The following TRIM69 variants were observed in gnomAD, a reference collection of about 807,000 sequenced individuals.
TRIM69 encodes the protein E3 ubiquitin-protein ligase TRIM69.
TRIM69 carries 29 observed loss-of-function variants against 37.7 expected under a neutral mutation model. The observed-to-expected ratio is 0.77, with a 90% CI of 0.57 to 1.05. The LOEUF (loss-of-function observed/expected upper bound fraction) is 1.05. TRIM69 is among the 50% of genes least tolerant of loss of function. The probability of loss-of-function intolerance (pLI) is 0.00; values close to 1 mark genes in which losing one functional copy is unlikely to be tolerated. For synonymous variants in TRIM69, 209 were observed against 212.4 expected, an observed-to-expected ratio of 0.98 and a Z score of 0.14; for missense variants, 596 against 579.9, an observed-to-expected ratio of 1.03 and a Z score of -0.28.
intron 6 of TRIM69, among the ~76,000 whole-genome samples, chr15:44,765,435 T>C (rs1246150567): frequency 1.3e-5 from 2 of 152,128 alleles, no homozygotes; most frequent in African/African-American, 4.8e-5. Context: ...ATTTAGCCTA[T>C]ATGGAAAAAT....
intron 1 of TRIM69, among the ~76,000 whole-genome samples, chr15:44,752,046 T>A (rs1286549102): frequency 6.6e-6 from 1 of 152,162 alleles, no homozygotes; most frequent in Non-Finnish European, 1.5e-5. Context: ...TGAGCCACTG[T>A]GCACAGCCTG....
intron 1 of TRIM69, among the ~76,000 whole-genome samples, chr15:44,745,801 G>A (rs936593505): frequency 6.6e-6 from 1 of 152,096 alleles, no homozygotes; most frequent in East Asian, 1.9e-4. Flanking sequence ...ATTTGAGCAG[G>A]CAAAAGAAAG....
intron 1 of TRIM69, among the ~76,000 whole-genome samples, chr15:44,749,885 T>C (rs2087483615): frequency 6.6e-6 from 1 of 152,224 alleles, no homozygotes; most frequent in South Asian, 2.1e-4. Flanking sequence ...GTATCACCAA[T>C]ACTTATTGTT....
In TRIM69 at chr15:44,767,547, T is replaced by C. The variant is rs369632375; in HGVS notation, c.1278T>C (p.Ala426=). The C allele has an allele frequency of 6.2e-7, 1 of 1,614,204 alleles. No homozygotes were observed. The highest frequency in any genetic ancestry group is 8.5e-7 in the Non-Finnish European group (1 of 1,180,034). ...LRLRNQTDLK[A]LDLPSFSLTL... The stretch of plus-strand genomic sequence containing the variant: ...TAAGGAACCAAACTGATCTAAAGGC[T>C]CTGGATTTGCCTTCTTTCAGTCTGA... The change falls in exon 7 of 7, where the codon GCT becomes GCC. Residue 426 remains alanine (A), a synonymous_variant. Transcript: ENST00000329464.
Position 44,767,762 on chromosome 15 carries a change from AT to A in TRIM69, c.1494del (p.Pro499HisfsTer6), listed in dbSNP as rs773206257. ...AATAAAGAACCATTGCACATCTTAC[AT>A]CCACAGTAATGAGTCATAATATTAT... The part of the protein sequence containing the change: ...GENKEPLHIL[H>X]PQ On this transcript the variant is annotated frameshift_variant, in exon 7 of 7. Transcript: ENST00000329464. LOFTEE classifies it high-confidence loss of function. 2 of 1,610,542 alleles carry A rather than the reference AT, an allele frequency of 1.2e-6. No homozygotes were observed. Among genetic ancestry groups the A allele is most frequent in the Non-Finnish European group, 1.7e-6 (2 of 1,179,250 alleles).
chr15:44,765,720 C>G (rs990480488), intron 6 of TRIM69, among the ~76,000 whole-genome samples: 2 of 151,890 alleles, frequency 1.3e-5, no homozygotes, highest in Non-Finnish European at 2.9e-5. Flanking sequence ...TGCCACTGCA[C>G]TCCAGCCTGG....
At chr15:44,762,835 A>AT (rs1035629077) in intron 6 of TRIM69, among the ~76,000 whole-genome samples, 1 of 151,686 alleles carries the variant, frequency 6.6e-6, no homozygotes, top group Middle Eastern at 3.4e-3. Context: ...TCTGGGCCTG[A>AT]TTTTATTGTT....
chr15:44,759,966 C>T, intron 6 of TRIM69, 94 bp downstream of exon 6: 1 of 1,452,474 alleles, frequency 6.9e-7, no homozygotes, highest in Non-Finnish European at 9.4e-7. Flanking sequence ...TTTTTACAGT[C>T]TGGGATAGGG....
At chr15:44,763,858 C>G (rs2087831485) in intron 6 of TRIM69, among the ~76,000 whole-genome samples, 1 of 152,136 alleles carries the variant, frequency 6.6e-6, no homozygotes, top group South Asian at 2.1e-4. Flanking sequence ...GCTAACTTAG[C>G]CCATTTTCTA....
chr15:44,754,874 C>G, intron 1 of TRIM69, 26 bp from the exon 2 acceptor site: 1 of 1,526,810 alleles, frequency 6.5e-7, no homozygotes, highest in Non-Finnish European at 9.0e-7. Context: ...GAAAGATAAA[C>G]TCATTTTAGC....
rs768862119 is a variant in TRIM69, at chr15:44,736,688, T to C, written c.-17T>C. The C allele has an allele frequency of 6.2e-7, 1 of 1,611,244 alleles. No homozygotes were observed. The highest frequency in any genetic ancestry group is 1.1e-5 in the South Asian group (1 of 90,892). On this transcript the variant is annotated 5_prime_UTR_variant, in exon 1 of 7. Coordinates refer to ENST00000329464, the MANE Select transcript of TRIM69 (RefSeq NM_182985.5). ...GATTCAAGTGCCTGCCTCTGCCCCT[T>C]GGTGGGCTGAAGCTTCATGGAGGTG...
chr15:44,739,973 G>A (rs1267852959), intron 1 of TRIM69, among the ~76,000 whole-genome samples: 1 of 151,910 alleles, frequency 6.6e-6, no homozygotes, highest in African/African-American at 2.4e-5. Flanking sequence ...CTAACTGGGA[G>A]GCACCCCCAA....
rs771484406 is a variant in TRIM69 at position 44,755,264 on chromosome 15, T to G, written c.371T>G (p.Leu124Arg). The G allele has an allele frequency of 6.6e-5, 107 of 1,614,090 alleles. No homozygotes were observed. The highest frequency in any genetic ancestry group is 8.1e-5 in the Non-Finnish European group (96 of 1,180,038). ...CCAGAGCATGGAGAGAACCTGAAACTGTTCAGTAAACCAGATGGGAAACTG... is the reference window on the plus strand; with the variant it reads ...CCAGAGCATGGAGAGAACCTGAAACGGTTCAGTAAACCAGATGGGAAACTG... ...QCPEHGENLK[L>R]FSKPDGKLIC... The change falls in exon 2 of 7, where the codon CTG (leucine) becomes CGG (arginine). Residue 124 changes from leucine to arginine, a missense_variant. Coordinates refer to ENST00000329464, the MANE Select transcript of TRIM69 (RefSeq NM_182985.5).
chr15:44,752,205 T>C (rs1392009339), intron 1 of TRIM69, among the ~76,000 whole-genome samples: 2 of 152,234 alleles, frequency 1.3e-5, no homozygotes, highest in African/African-American at 2.4e-5. Context: ...TTTCATTCCA[T>C]TGTAGTCAGA....
intron 3 of TRIM69, chr15:44,757,115 C>G (rs546786701): frequency 6.6e-6 from 1 of 152,252 alleles, no homozygotes; most frequent in South Asian, 2.1e-4. Flanking sequence ...TATGCAGACT[C>G]AGGGAAAGAA....
chr15:44,744,422 A>T (rs1420436036), intron 1 of TRIM69, among the ~76,000 whole-genome samples: 1 of 151,508 alleles, frequency 6.6e-6, no homozygotes, highest in South Asian at 2.1e-4. Context: ...TAACCTGCAC[A>T]TTGTGCACAT....
rs766335928 is a variant in TRIM69, at chr15:44,758,646, A to G, written c.605A>G (p.His202Arg). The G allele has an allele frequency of 1.2e-5, 20 of 1,614,054 alleles. No homozygotes were observed. In the South Asian group the frequency reaches 1.6e-4, roughly 13 times the overall value. The change falls in exon 4 of 7, where the codon CAT (histidine) becomes CGT (arginine). Residue 202 changes from histidine to arginine, a missense_variant. His to Arg is a conservative substitution (Grantham distance 29, BLOSUM62 0). Transcript: ENST00000329464. ...HKENKLHLQQ[H>R]VSMEFLKLHQ... ...GAAAACAAGCTACATCTGCAGCAAC[A>G]TGTGTCCATGGAGTTTCTAAAGCTG...
chr15:44,736,662 T>C lies in TRIM69; in HGVS notation c.-43T>C. On this transcript the variant is annotated 5_prime_UTR_variant, in exon 1 of 7. Transcript: ENST00000329464. ...CAGCCATCCTGGGCCTGCTGAGCTC[T>C]GATTCAAGTGCCTGCCTCTGCCCCT... 1 of 1,610,678 alleles carries C rather than the reference T, an allele frequency of 6.2e-7. No homozygotes were observed. Among genetic ancestry groups the C allele is most frequent in the South Asian group, 1.1e-5 (1 of 90,720 alleles).
At chr15:44,759,702 A>C in intron 5 of TRIM69, 40 bp downstream of exon 5, 1 of 1,614,064 alleles carries the variant, frequency 6.2e-7, no homozygotes, top group African/African-American at 1.3e-5. Context: ...TCATTCCTTG[A>C]GTCTCTGGAG....
Sources: allele counts gnomAD v4.1 joint callset (sites outside exome capture counted in the v4.1 genomes callset), GRCh38; gene constraint gnomAD v4.1.1; transcripts MANE v1.5; gene names NCBI Gene and HGNC (gene_info 2026-07-23, HGNC 2026-07-21).